The following DLG2 variants were observed in gnomAD, a reference collection of about 807,000 sequenced individuals.
DLG2 encodes the protein disks large homolog 2.
DLG2 carries 45 observed loss-of-function variants against 132.5 expected under a neutral mutation model. That is an observed-to-expected ratio of 0.34 (90% CI 0.27 to 0.44). The LOEUF (loss-of-function observed/expected upper bound fraction) is 0.44, where lower values mean the gene tolerates loss of function less well. Among genes scored for constraint, DLG2 ranks in the 20% least tolerant of loss-of-function variants. The pLI, the probability that DLG2 is intolerant of heterozygous loss-of-function variation, is 1.00. For missense variants in DLG2, 1,045 were observed against 1,196.9 expected (o/e 0.87, Z 1.87); for synonymous variants, 424 against 419.6 (o/e 1.01, Z -0.13).
intron 4 of DLG2, among the ~76,000 whole-genome samples, chr11:85,253,858 T>C (rs61909363): frequency 0.012 from 1,756 of 152,138 alleles, 16 homozygotes; most frequent in Non-Finnish European, 0.019. Context: ...GAAGGCAATC[T>C]TCCCCTGAAG....
At chr11:84,149,391 G>A (rs112885195) in intron 9 of DLG2, among the ~76,000 whole-genome samples, 1,875 of 152,174 alleles carry the variant, frequency 0.012, 35 homozygotes, top group African/African-American at 0.043. Context: ...GTTAAATTTT[G>A]TATATGATAA....
chr11:83,718,598 G>A (rs552864524), intron 18 of DLG2, among the ~76,000 whole-genome samples: 62 of 150,950 alleles, frequency 4.1e-4, no homozygotes, highest in African/African-American at 1.4e-3. Context: ...ATCAGCAGCA[G>A]TTCTTGATGG....
chr11:84,141,462 AACAC>A (rs1414134070), intron 9 of DLG2, among the ~76,000 whole-genome samples: 1 of 152,162 alleles, frequency 6.6e-6, no homozygotes, highest in South Asian at 2.1e-4. Context: ...TGCATAAACA[AACAC>A]ACACTCTCAG....
Position 84,898,900 on chromosome 11 carries a change from C to T in DLG2, c.357+212761G>A, listed in dbSNP as rs192838647. ...TATATCTCTATTACAGCTATTATTA[C>T]ACTTTATAACAATTATTCATTCATA... is the stretch of plus-strand genomic sequence containing the variant. On this transcript the variant is annotated intron_variant, in intron 6 of 27. Coordinates refer to ENST00000376104, the MANE Select transcript of DLG2 (RefSeq NM_001142699.3). Among the ~76,000 whole-genome samples the T allele has an allele frequency of 3.6e-3, 542 of 152,166 alleles. 1 individual carries two copies. Among genetic ancestry groups the T allele is most frequent in the Non-Finnish European group, 6.1e-3 (415 of 67,954 alleles).
At chr11:84,057,200 C>G (rs1265133183) in intron 11 of DLG2, among the ~76,000 whole-genome samples, 5 of 152,094 alleles carry the variant, frequency 3.3e-5, no homozygotes, top group Non-Finnish European at 7.4e-5. Flanking sequence ...AAATAAAGAT[C>G]TAAAATATGT....
intron 2 of DLG2, among the ~76,000 whole-genome samples, chr11:85,604,922 G>A (rs999678278): frequency 1.3e-5 from 2 of 152,012 alleles, no homozygotes; most frequent in East Asian, 3.9e-4. Flanking sequence ...TGAACTTTTA[G>A]AGAAAAGAAA....
At chr11:84,455,167 T>C (rs976519022) in intron 7 of DLG2, among the ~76,000 whole-genome samples, 12 of 151,486 alleles carry the variant, frequency 7.9e-5, no homozygotes, top group Middle Eastern at 3.2e-3. Context: ...CTAACTTCTG[T>C]TCTTCTATTC....
chr11:83,713,452 A>G (rs1449903479), intron 18 of DLG2, among the ~76,000 whole-genome samples: 3 of 152,226 alleles, frequency 2.0e-5, no homozygotes, highest in African/African-American at 7.2e-5. Flanking sequence ...TTTCAGGAGA[A>G]GCCTAAAGAA....
chr11:83,593,824 C>T (rs928688978), intron 19 of DLG2, among the ~76,000 whole-genome samples: 3 of 149,752 alleles, frequency 2.0e-5, no homozygotes, highest in African/African-American at 7.4e-5. Context: ...CTCCAAGTCA[C>T]AATATTCTCA....
chr11:84,895,746 ATG>A (rs1219748904), intron 6 of DLG2, among the ~76,000 whole-genome samples: 4 of 152,168 alleles, frequency 2.6e-5, no homozygotes, highest in Non-Finnish European at 4.4e-5. Flanking sequence ...GTATTGACTA[ATG>A]TGAAGTTATA....
intron 3 of DLG2, among the ~76,000 whole-genome samples, chr11:85,529,056 T>A (rs1358220125): frequency 3.3e-5 from 5 of 152,194 alleles, no homozygotes; most frequent in African/African-American, 1.2e-4. Flanking sequence ...AAGCATAATG[T>A]CAAGAAAAAG....
chr11:84,523,864 A>G (rs1312364184), intron 7 of DLG2, among the ~76,000 whole-genome samples: 2 of 152,082 alleles, frequency 1.3e-5, no homozygotes, highest in Non-Finnish European at 2.9e-5. Context: ...TTTAAAACTT[A>G]TTATGATTTT....
At chr11:84,376,927 T>C (rs1022574920) in intron 7 of DLG2, among the ~76,000 whole-genome samples, 1 of 151,870 alleles carries the variant, frequency 6.6e-6, no homozygotes, top group Non-Finnish European at 1.5e-5. Flanking sequence ...AAATGGCAAA[T>C]TATGTTGAAA....
At chr11:84,780,275 A>C (rs2071487197) in intron 6 of DLG2, among the ~76,000 whole-genome samples, 1 of 152,018 alleles carries the variant, frequency 6.6e-6, no homozygotes, top group South Asian at 2.1e-4. Flanking sequence ...ATTAAGACAA[A>C]AACGATATGA....
intron 4 of DLG2, among the ~76,000 whole-genome samples, chr11:85,161,469 G>A (rs2078024882): frequency 6.6e-6 from 1 of 152,220 alleles, no homozygotes. Flanking sequence ...GTGTCAGGTT[G>A]ATTATATTGG....
chr11:85,122,712 ATGATATTGCATTTGG>A (rs1034076384), intron 5 of DLG2, among the ~76,000 whole-genome samples: 4 of 151,840 alleles, frequency 2.6e-5, no homozygotes, highest in African/African-American at 9.7e-5. Context: ...TTTCTAGCAG[ATGATATTGCATTTGG>A]TGAACAAACA....
intron 6 of DLG2, among the ~76,000 whole-genome samples, chr11:85,107,348 A>C (rs1405618619): frequency 6.6e-6 from 1 of 152,044 alleles, no homozygotes; most frequent in Non-Finnish European, 1.5e-5. Flanking sequence ...CATTATAGCC[A>C]TTTCTGAGTA....
intron 11 of DLG2, among the ~76,000 whole-genome samples, chr11:84,043,880 C>T (rs1384751): frequency 9.9e-5 from 15 of 151,322 alleles, no homozygotes; most frequent in African/African-American, 2.9e-4. Flanking sequence ...CCATTTTCTA[C>T]CTTTATTTTT....
chr11:85,073,753 T>C (rs1304696981), intron 6 of DLG2, among the ~76,000 whole-genome samples: 1 of 151,916 alleles, frequency 6.6e-6, no homozygotes, highest in African/African-American at 2.4e-5. Flanking sequence ...CTATTGGGCA[T>C]ATATCCAAAG....
Sources: allele counts gnomAD v4.1 joint callset (sites outside exome capture counted in the v4.1 genomes callset), GRCh38; gene constraint gnomAD v4.1.1; transcripts MANE v1.5; gene names NCBI Gene and HGNC (gene_info 2026-07-23, HGNC 2026-07-21).